Variants in AKAP13 observed in about 807,000 individuals in gnomAD.
AKAP13 encodes A-kinase anchor protein 13.
In AKAP13, 80 loss-of-function variants were observed where a neutral mutation model predicts 264.5. The ratio of observed to expected loss-of-function variants is 0.30; its 90% CI spans 0.25 to 0.36. AKAP13 has a LOEUF of 0.36. Among genes scored for constraint, AKAP13 ranks in the 10% least tolerant of loss-of-function variants. The pLI is 1.00. For missense variants in AKAP13, 3,712 were observed against 3,435.2 expected, an observed-to-expected ratio of 1.08 and a Z score of -2.01; for synonymous variants, 1,380 against 1,250.2, an observed-to-expected ratio of 1.10 and a Z score of -2.19.
intron 1 of AKAP13, among the ~76,000 whole-genome samples, chr15:85,434,322 G>A (rs1264131637): frequency 2.0e-5 from 3 of 152,150 alleles, no homozygotes; most frequent in Non-Finnish European, 4.4e-5. Flanking sequence ...AGGGTCCTAC[G>A]CCCACGGAAT....
At position 85,655,770 on chromosome 15, in the gene AKAP13, A is replaced by G. The variant is rs765330487; in HGVS notation, c.4728A>G (p.Ala1576=). The G allele has an allele frequency of 1.1e-5, 17 of 1,608,856 alleles. No individual in the cohort carries two copies. Among genetic ancestry groups the G allele is most frequent in the Admixed American group, 1.7e-5 (1 of 59,934 alleles). ...WGPGKNAASD[A]EMNHRSSMRV... The stretch of plus-strand genomic sequence containing the variant: ...CTGGGAAAAATGCAGCCAGCGATGC[A>G]GAAATGAACCACCGGAGGTGAGATG... Residue 1576 remains alanine, a synonymous_variant, in exon 11 of 37, where the codon GCA becomes GCG. Transcript: ENST00000394518.
intron 1 of AKAP13, among the ~76,000 whole-genome samples, chr15:85,408,478 C>G (rs2071783266): frequency 6.6e-6 from 1 of 151,650 alleles, no homozygotes; most frequent in African/African-American, 2.4e-5. Flanking sequence ...CAATAACTTT[C>G]TATTTCTCTC....
At chr15:85,578,549 G>A (rs2079091026) in intron 6 of AKAP13, among the ~76,000 whole-genome samples, 1 of 152,098 alleles carries the variant, frequency 6.6e-6, no homozygotes, top group South Asian at 2.1e-4. Flanking sequence ...GTTTCTCCAT[G>A]TTGAGGCTGG....
chr15:85,517,757 A>G (rs1178603562), intron 2 of AKAP13, among the ~76,000 whole-genome samples: 2 of 152,146 alleles, frequency 1.3e-5, no homozygotes, highest in Admixed American at 6.5e-5. Context: ...GAGCTAACCT[A>G]TATTTACAGA....
intron 1 of AKAP13, among the ~76,000 whole-genome samples, chr15:85,464,825 C>CT (rs752507477): frequency 1.3e-5 from 2 of 152,054 alleles, no homozygotes; most frequent in Non-Finnish European, 2.9e-5. Context: ...GTCCCTTTTT[C>CT]TTCTTTTACT....
At chr15:85,549,936 T>C (rs975812272) in intron 5 of AKAP13, among the ~76,000 whole-genome samples, 6 of 152,144 alleles carry the variant, frequency 3.9e-5, no homozygotes, top group Non-Finnish European at 7.4e-5. Flanking sequence ...ATTGATTGAT[T>C]GAGACAGACT....
intron 5 of AKAP13, among the ~76,000 whole-genome samples, chr15:85,548,143 T>C (rs2077821478): frequency 6.6e-6 from 1 of 152,176 alleles, no homozygotes; most frequent in African/African-American, 2.4e-5. Flanking sequence ...GTTGGGGGTA[T>C]GAGGGAGCTT....
chr15:85,579,677 G>A lies in AKAP13; in HGVS notation c.1609G>A (p.Ala537Thr). 1 of 1,614,166 alleles carries A rather than the reference G, an allele frequency of 6.2e-7. No homozygotes were observed. Reference protein sequence around the residue: ...PVDKISVPNCAPAASSLDGNK... With the variant: ...PVDKISVPNCTPAASSLDGNK... Reference sequence around the variant, plus strand: ...GGATAAAATCAGTGTTCCAAACTGTGCCCCTGCTGCCAGTTCCCTGGATGG... The same window carrying A: ...GGATAAAATCAGTGTTCCAAACTGTACCCCTGCTGCCAGTTCCCTGGATGG... Residue 537 changes from alanine to threonine, a missense_variant, in exon 7 of 37, where the codon GCC (alanine) becomes ACC (threonine). By Grantham distance (58) the Ala-to-Thr change is moderately conservative. This residue lies in a region of AKAP13 where 2,759 missense variants were observed against 2,411.7 expected (regional missense o/e 1.14). Transcript: ENST00000394518.
chr15:85,483,931 A>G (rs551793954), intron 1 of AKAP13, among the ~76,000 whole-genome samples: 1 of 152,268 alleles, frequency 6.6e-6, no homozygotes, highest in East Asian at 1.9e-4. Flanking sequence ...TTCTTCTTCC[A>G]GCGTGGCCCA....
rs919669093 is a variant in AKAP13 at position 85,710,571 on chromosome 15, C to G, written c.5533-8C>G. On this transcript the variant is annotated splice_polypyrimidine_tract_variant and splice_region_variant and intron_variant, in intron 18 of 36. Coordinates refer to ENST00000394518, the MANE Select transcript of AKAP13 (RefSeq NM_007200.5). ...AATTGTCAATGGACTTACTTTCTTT[C>G]TCTTTAGCAGCCCAAAGGGAGCCTT... is the stretch of plus-strand genomic sequence containing the variant. 5 of 1,613,458 alleles carry G rather than the reference C, an allele frequency of 3.1e-6. No homozygotes were observed. Among genetic ancestry groups the G allele is most frequent in the Non-Finnish European group, 3.4e-6 (4 of 1,179,730 alleles).
chr15:85,592,716 A>G (rs1416480803), intron 8 of AKAP13, among the ~76,000 whole-genome samples: 1 of 152,190 alleles, frequency 6.6e-6, no homozygotes, highest in Non-Finnish European at 1.5e-5. Context: ...GACTCTCTGT[A>G]TCTCCTCTGA....
intron 14 of AKAP13, chr15:85,670,764 T>C (rs1160721777): frequency 7.2e-5 from 11 of 152,000 alleles, no homozygotes; most frequent in Admixed American, 7.2e-4. Flanking sequence ...GAGATTTAGT[T>C]CAGTGAGGGC....
Position 85,708,341 on chromosome 15 carries a change from C to T in AKAP13, c.5532+255C>T, listed in dbSNP as rs1819913. ...TCTTCACGTTCAATATACATTTCTTCGTGATTTTAATATTTCCGTATTGCT... is the reference window on the plus strand; with the variant it reads ...TCTTCACGTTCAATATACATTTCTTTGTGATTTTAATATTTCCGTATTGCT... On this transcript the variant is annotated intron_variant, in intron 18 of 36. Transcript: ENST00000394518. This position sits in a 1 kb window ranked among gnomAD's most constrained non-coding sequence, Gnocchi z 4.3. Among the ~76,000 whole-genome samples the T allele has an allele frequency of 4.1e-3, 622 of 152,288 alleles. 4 individuals are homozygous for T. Among genetic ancestry groups the T allele is most frequent in the African/African-American group, 0.014 (593 of 41,542 alleles).
At chr15:85,716,032 A>G (rs951308601) in intron 20 of AKAP13, 109 bp downstream of exon 20, 1 of 1,386,244 alleles carries the variant, frequency 7.2e-7, no homozygotes, top group African/African-American at 1.5e-5. Context: ...ATAAATCTAT[A>G]AGGTCATGGG....
intron 8 of AKAP13, among the ~76,000 whole-genome samples, chr15:85,631,145 A>G (rs2081777129): frequency 1.3e-5 from 2 of 152,180 alleles, no homozygotes; most frequent in Admixed American, 6.5e-5. Flanking sequence ...AACCTCAAAA[A>G]CATTTTGCTA....
chr15:85,645,331 A>G (rs2082504323), intron 9 of AKAP13, among the ~76,000 whole-genome samples: 1 of 152,208 alleles, frequency 6.6e-6, no homozygotes, highest in Admixed American at 6.5e-5. Flanking sequence ...TATGCCCCCA[A>G]TTTAAGAGCT....
At chr15:85,728,368 C>G (rs912960290) in intron 29 of AKAP13, among the ~76,000 whole-genome samples, 1 of 152,178 alleles carries the variant, frequency 6.6e-6, no homozygotes, top group Non-Finnish European at 1.5e-5. Context: ...ATATGGACAG[C>G]TTTAGACCAG....
At chr15:85,660,386 A>G (rs1165355127) in intron 12 of AKAP13, among the ~76,000 whole-genome samples, 1 of 123,574 alleles carries the variant, frequency 8.1e-6, no homozygotes, top group African/African-American at 2.9e-5. Flanking sequence ...AAAAGCTTTT[A>G]TGTCTGTCTT....
intron 2 of AKAP13, among the ~76,000 whole-genome samples, chr15:85,514,743 G>T (rs1372999208): frequency 7.3e-6 from 1 of 137,536 alleles, no homozygotes; most frequent in African/African-American, 2.9e-5. Context: ...CAGAGTAACT[G>T]GGCAAAGTGT....
Sources: allele counts gnomAD v4.1 joint callset (sites outside exome capture counted in the v4.1 genomes callset), GRCh38; gene constraint gnomAD v4.1.1; regional missense constraint gnomAD v4.1.1; non-coding constraint Gnocchi (gnomAD v3.1); transcripts MANE v1.5; gene names NCBI Gene and HGNC (gene_info 2026-07-23, HGNC 2026-07-21).